IL1RAPL1: variants seen among roughly 807,000 people sequenced by gnomAD.
The protein encoded by IL1RAPL1 is interleukin 1 receptor accessory protein like 1.
Under a neutral mutation model 48.4 loss-of-function variants are expected in IL1RAPL1, and 3 were observed. That is an observed-to-expected ratio of 0.06 (90% CI 0.03 to 0.16). The LOEUF (loss-of-function observed/expected upper bound fraction) is 0.16. IL1RAPL1 is among the 10% of genes least tolerant of loss of function. The probability of loss-of-function intolerance (pLI) is 1.00; values close to 1 mark genes in which losing one functional copy is unlikely to be tolerated. For missense variants in IL1RAPL1, 349 were observed against 530.6 expected, an observed-to-expected ratio of 0.66 and a Z score of 3.36; for synonymous variants, 185 against 187.7, an observed-to-expected ratio of 0.99 and a Z score of 0.12.
At chrX:28,867,551 A>T (rs1486031034) in intron 2 of IL1RAPL1, among the ~76,000 whole-genome samples, 1 of 111,791 alleles carries the variant, frequency 8.9e-6, no homozygotes, top group Non-Finnish European at 1.9e-5. Context: ...GTCAGACTTA[A>T]TCCTAACTTA....
intron 1 of IL1RAPL1, among the ~76,000 whole-genome samples, chrX:28,694,622 C>CA (rs1415602627): frequency 1.8e-5 from 2 of 111,048 alleles, no homozygotes; most frequent in Non-Finnish European, 3.8e-5. Context: ...TAGGACAATT[C>CA]AAAAAAACAA....
intron 2 of IL1RAPL1, among the ~76,000 whole-genome samples, chrX:29,140,561 T>A (rs956816372): frequency 8.9e-6 from 1 of 112,297 alleles, no homozygotes; most frequent in South Asian, 3.6e-4. Context: ...CAACCACTGA[T>A]ACCTAGAAAC....
At chrX:29,576,980 G>C (rs1357404775) in intron 5 of IL1RAPL1, among the ~76,000 whole-genome samples, 1 of 111,458 alleles carries the variant, frequency 9.0e-6, no homozygotes. Flanking sequence ...CAGTGATTTA[G>C]TTTCCATTTC....
At chrX:28,866,269 A>G (rs193165543) in intron 2 of IL1RAPL1, among the ~76,000 whole-genome samples, 1 of 112,169 alleles carries the variant, frequency 8.9e-6, no homozygotes, top group East Asian at 2.8e-4. Flanking sequence ...AAGCAAAGTA[A>G]TTCAGAATGG....
intron 1 of IL1RAPL1, among the ~76,000 whole-genome samples, chrX:28,778,748 A>G (rs755367127): frequency 4.5e-5 from 5 of 111,841 alleles, no homozygotes; most frequent in Non-Finnish European, 5.6e-5. Flanking sequence ...TGTATGAAAC[A>G]TATCAATTTC....
chrX:29,526,498 A>G (rs1935554499), intron 5 of IL1RAPL1, among the ~76,000 whole-genome samples: 1 of 112,043 alleles, frequency 8.9e-6, no homozygotes, highest in South Asian at 3.6e-4. Flanking sequence ...ATGATAGTAT[A>G]CCTGGAAAAC....
chrX:28,722,315 C>T (rs755741934), intron 1 of IL1RAPL1, among the ~76,000 whole-genome samples: 1 of 111,273 alleles, frequency 9.0e-6, no homozygotes, highest in African/African-American at 3.3e-5. Context: ...CTTCACATCC[C>T]TTGTAAGTTG....
rs929905109 is a variant in IL1RAPL1 at position 29,209,728 on chromosome X, C to T, written c.83-73210C>T. Among the ~76,000 whole-genome samples, 4 of 111,668 alleles carry T rather than the reference C, an allele frequency of 3.6e-5. No individual in the cohort carries two copies. In the Admixed American group the frequency reaches 3.8e-4, roughly 11 times the overall value. ...AGCCTTGTATATGTGTCTTATGGAC[C>T]TGCGTGAAAATTTTCCTGGGATAAA... On this transcript the variant is annotated intron_variant, in intron 2 of 10. Transcript: ENST00000378993.
chrX:28,727,539 C>T (rs1270015014), intron 1 of IL1RAPL1, among the ~76,000 whole-genome samples: 1 of 105,940 alleles, frequency 9.4e-6, no homozygotes, highest in Non-Finnish European at 1.9e-5. Context: ...CTTCTCCTGC[C>T]TAATTGCCCT....
At chrX:29,761,329 A>G (rs977810268) in intron 6 of IL1RAPL1, among the ~76,000 whole-genome samples, 22 of 111,116 alleles carry the variant, frequency 2.0e-4, no homozygotes, top group African/African-American at 7.2e-4. Context: ...TTTATTATAC[A>G]GTATATGACA....
At chrX:28,637,028 T>A (rs767652751) in intron 1 of IL1RAPL1, among the ~76,000 whole-genome samples, 1 of 111,526 alleles carries the variant, frequency 9.0e-6, no homozygotes, top group South Asian at 3.8e-4. Flanking sequence ...ATAAAAAGCA[T>A]CTTCTTAGAG....
intron 6 of IL1RAPL1, among the ~76,000 whole-genome samples, chrX:29,706,403 T>C (rs1468372363): frequency 2.7e-5 from 3 of 111,801 alleles, no homozygotes; most frequent in African/African-American, 9.8e-5. Context: ...ACAAGGCAAG[T>C]CTCTTCCACC....
chrX:28,640,429 T>C (rs1400336832), intron 1 of IL1RAPL1, among the ~76,000 whole-genome samples: 1 of 110,649 alleles, frequency 9.0e-6, no homozygotes, highest in Non-Finnish European at 1.9e-5. Context: ...CATTGCAACC[T>C]CTGCCCCCCA....
chrX:28,874,567 G>C (rs1362322464), intron 2 of IL1RAPL1, among the ~76,000 whole-genome samples: 2 of 111,985 alleles, frequency 1.8e-5, no homozygotes, highest in Non-Finnish European at 3.8e-5. Context: ...AAACTTAAGT[G>C]ACTATGTGAG....
At chrX:29,286,311 A>C (rs1220164259) in intron 3 of IL1RAPL1, among the ~76,000 whole-genome samples, 1 of 111,845 alleles carries the variant, frequency 8.9e-6, no homozygotes, top group Non-Finnish European at 1.9e-5. Flanking sequence ...GAAAAAGTGA[A>C]TGAAGGAAAG....
chrX:29,496,858 T>G (rs948910621), intron 5 of IL1RAPL1, among the ~76,000 whole-genome samples: 7 of 111,998 alleles, frequency 6.3e-5, no homozygotes, highest in African/African-American at 1.9e-4. Flanking sequence ...AAGCTTGCAA[T>G]TTAATCAGTG....
At chrX:29,825,815 A>G (rs1930724490) in intron 6 of IL1RAPL1, among the ~76,000 whole-genome samples, 1 of 111,916 alleles carries the variant, frequency 8.9e-6, no homozygotes, top group Non-Finnish European at 1.9e-5. Context: ...CCTTCTTAAG[A>G]TTTTAAAAAT....
chrX:29,483,503 G>A (rs1935062384), intron 5 of IL1RAPL1, among the ~76,000 whole-genome samples: 1 of 111,524 alleles, frequency 9.0e-6, no homozygotes, highest in Admixed American at 9.5e-5. Flanking sequence ...TTGCATTACA[G>A]TAGTATATTC....
chrX:29,236,758 CG>C (rs776190960), intron 2 of IL1RAPL1, among the ~76,000 whole-genome samples: 16 of 101,328 alleles, frequency 1.6e-4, no homozygotes, highest in East Asian at 6.2e-4. Flanking sequence ...TTAGTAGAGA[CG>C]GGGGTTTCAC....
Sources: allele counts gnomAD v4.1 joint callset (sites outside exome capture counted in the v4.1 genomes callset), GRCh38; gene constraint gnomAD v4.1.1; transcripts MANE v1.5; gene names NCBI Gene and HGNC (gene_info 2026-07-23, HGNC 2026-07-21).